FIBCD1: variants seen among roughly 807,000 people sequenced by gnomAD.
The protein encoded by FIBCD1 is fibrinogen C domain-containing protein 1.
A neutral mutation model predicts 45.1 loss-of-function variants in FIBCD1; 47 were observed. The observed-to-expected ratio is 1.04, with a 90% CI of 0.82 to 1.33. The LOEUF (loss-of-function observed/expected upper bound fraction) is 1.33. FIBCD1 is among the 40% of genes most tolerant of loss of function. The pLI is 0.00. For synonymous variants in FIBCD1, 313 were observed against 308.1 expected, an observed-to-expected ratio of 1.02 and a Z score of -0.17; for missense variants, 653 against 682.2, an observed-to-expected ratio of 0.96 and a Z score of 0.48.
chr9:130,911,919 G>A, intron 4 of FIBCD1, 31 bp from the exon 5 acceptor site: 1 of 1,543,440 alleles, frequency 6.5e-7, no homozygotes, highest in Non-Finnish European at 8.8e-7. Context: ...TGGGGCGTTG[G>A]CACCGACCAT....
At chr9:130,931,085 T>C (rs143848760) in intron 1 of FIBCD1, among the ~76,000 whole-genome samples, 33 of 152,222 alleles carry the variant, frequency 2.2e-4, no homozygotes, top group African/African-American at 7.9e-4. Context: ...AGCAGGCCCC[T>C]GGCAGAGCAA....
In FIBCD1 at chr9:130,923,912, G is replaced by C. The variant is rs542941000; in HGVS notation, c.713-32C>G. 24 of 1,611,068 alleles carry C rather than the reference G, an allele frequency of 1.5e-5. No individual in the cohort carries two copies. The South Asian group carries it at 2.4e-4, about 16-fold the overall frequency. On this transcript the variant is annotated intron_variant, in intron 3 of 6. Coordinates refer to ENST00000372338, the MANE Select transcript of FIBCD1 (RefSeq NM_032843.5). Reference sequence around the variant, plus strand: ...GAGGCAAGGCTGTCAGGGTGGCTGCGGCCCCAGCACGTTCCTGCCCAGCCC... The same window carrying C: ...GAGGCAAGGCTGTCAGGGTGGCTGCCGCCCCAGCACGTTCCTGCCCAGCCC...
At chr9:130,917,464 G>A (rs1453091295) in intron 4 of FIBCD1, among the ~76,000 whole-genome samples, 1 of 148,150 alleles carries the variant, frequency 6.7e-6, no homozygotes, top group East Asian at 2.0e-4. Context: ...AGGAAGGAGT[G>A]ACAGCTCTGG....
Position 130,905,328 on chromosome 9 carries a change from A to C in FIBCD1, c.1032T>G (p.Tyr344Ter). The change falls in exon 6 of 7, where the codon TAT (tyrosine) becomes TAG (stop). Residue 344 changes from tyrosine to a stop codon, truncating the protein, a stop_gained. Coordinates refer to ENST00000372338, the MANE Select transcript of FIBCD1 (RefSeq NM_032843.5). LOFTEE classifies it high-confidence loss of function. ...DLEDFENGTAYARYGSFGVGL... is the reference protein window; with the variant it reads ...DLEDFENGTA ...CCACGCCGAAGCTCCCGTAGCGGGC[A>C]TAGGCCGTGCCATTCTCAAAGTCCT... 6.2e-7 allele frequency: 1 copy of C among 1,614,064 alleles called. No homozygotes were observed. The highest frequency in any genetic ancestry group is 8.5e-7 in the Non-Finnish European group (1 of 1,180,016).
Position 130,924,269 on chromosome 9 carries a change from G to A in FIBCD1, c.680C>T (p.Ala227Val). The part of the protein sequence containing the change: ...RNKADLQRAP[A>V]RGTRPRGCAT... Reference sequence around the variant, plus strand: ...ACAGCCCCGGGGCCGGGTTCCCCGGGCAGGCGCTCTCTGAAGGTCGGCCTT... The same window carrying A: ...ACAGCCCCGGGGCCGGGTTCCCCGGACAGGCGCTCTCTGAAGGTCGGCCTT... The change falls in exon 3 of 7, where the codon GCC (alanine) becomes GTC (valine). Residue 227 changes from alanine (A) to valine (V), a missense_variant. Physicochemically the swap from Ala to Val is moderately conservative, Grantham distance 64. Coordinates refer to ENST00000372338, the MANE Select transcript of FIBCD1 (RefSeq NM_032843.5). 6.2e-7 allele frequency: 1 copy of A among 1,600,832 alleles called. No homozygotes were observed. Among genetic ancestry groups the A allele is most frequent in the Non-Finnish European group, 8.5e-7 (1 of 1,175,360 alleles).
intron 4 of FIBCD1, among the ~76,000 whole-genome samples, chr9:130,923,181 C>T (rs913720): frequency 6.6e-6 from 1 of 152,102 alleles, no homozygotes. Context: ...CCAGCACCTT[C>T]TGTGGTCCCG....
Position 130,923,861 on chromosome 9 carries a change from A to G in FIBCD1, c.732T>C (p.Cys244=), listed in dbSNP as rs773656142. The stretch of plus-strand genomic sequence containing the variant: ...GCTGTCCGCTTAGGAGGACGTCCAG[A>G]CAGTCTCGGGGCCGGGAGCCTGAGG... ...GCATGSRPRD[C]LDVLLSGQQD... is the part of the protein sequence containing the mutation. The change falls in exon 4 of 7, where the codon TGT becomes TGC. Residue 244 remains cysteine, a synonymous_variant. Transcript: ENST00000372338. The G allele has an allele frequency of 3.7e-6, 6 of 1,612,418 alleles. No individual in the cohort carries two copies. Among genetic ancestry groups the G allele is most frequent in the African/African-American group, 1.3e-5 (1 of 74,856 alleles).
At chr9:130,904,458 CAT>C in intron 6 of FIBCD1, 135 bp from the exon 7 acceptor site, 1 of 1,312,538 alleles carries the variant, frequency 7.6e-7, no homozygotes, top group South Asian at 1.4e-5. Flanking sequence ...TGCTCTCACA[CAT>C]ACTGCTGTGC....
intron 4 of FIBCD1, among the ~76,000 whole-genome samples, chr9:130,916,063 G>A (rs1201079185): frequency 6.6e-6 from 1 of 152,178 alleles, no homozygotes; most frequent in Admixed American, 6.5e-5. Flanking sequence ...TGAGTAGCTG[G>A]GATTACAGGC....
At chr9:130,913,888 T>C (rs1471780510) in intron 4 of FIBCD1, among the ~76,000 whole-genome samples, 2 of 152,062 alleles carry the variant, frequency 1.3e-5, no homozygotes, top group Non-Finnish European at 2.9e-5. Flanking sequence ...CCCTGGGGAC[T>C]GGGGACCTGG....
At chr9:130,919,415 C>T (rs919185056) in intron 4 of FIBCD1, among the ~76,000 whole-genome samples, 10 of 152,198 alleles carry the variant, frequency 6.6e-5, no homozygotes, top group African/African-American at 2.4e-4. Context: ...GGGCCGGCCG[C>T]AGCTGCAGCC....
intron 1 of FIBCD1, among the ~76,000 whole-genome samples, chr9:130,933,064 G>A (rs1832464917): frequency 6.6e-6 from 1 of 152,234 alleles, no homozygotes; most frequent in Non-Finnish European, 1.5e-5. Context: ...CCTCCCTGGT[G>A]GGAAGGCAGA....
In FIBCD1 at chr9:130,903,823, C is replaced by T. The variant is rs1286865896; in HGVS notation, c.*241G>A. On this transcript the variant is annotated 3_prime_UTR_variant, in exon 7 of 7. Coordinates refer to ENST00000372338, the MANE Select transcript of FIBCD1 (RefSeq NM_032843.5). ...CAGGAGTTGGGGTCGTCAAGTTTGCCAGCCCCCATCAGCAGAGGCAAGAGA... is the reference window on the plus strand; with the variant it reads ...CAGGAGTTGGGGTCGTCAAGTTTGCTAGCCCCCATCAGCAGAGGCAAGAGA... 2 of 608,152 alleles carry T rather than the reference C, an allele frequency of 3.3e-6. No homozygotes were observed. Among genetic ancestry groups the T allele is most frequent in the East Asian group, 2.9e-5 (1 of 34,936 alleles). The allele number at this position is 608,152 out of a possible 1,614,324, so 37.7% of individuals were successfully genotyped here. A position where few individuals can be genotyped will look rare whatever the true frequency, so the allele number is the denominator to read the frequency against.
intron 4 of FIBCD1, among the ~76,000 whole-genome samples, chr9:130,921,554 C>T (rs1344857776): frequency 2.0e-5 from 3 of 152,244 alleles, no homozygotes; most frequent in Non-Finnish European, 2.9e-5. Context: ...CCCCTCTAAT[C>T]GCCCCTGAAG....
intron 4 of FIBCD1, among the ~76,000 whole-genome samples, chr9:130,919,895 A>G (rs10114587): frequency 0.12 from 18,344 of 151,142 alleles, 2,128 homozygotes; most frequent in African/African-American, 0.31. Flanking sequence ...TGCAATGTTG[A>G]GGGCTTGGCA....
rs767460118 is a variant in FIBCD1, at chr9:130,905,520, G to C, written c.947-107C>G. The C allele has an allele frequency of 7.5e-6, 9 of 1,193,570 alleles. No individual in the cohort carries two copies. The Admixed American group carries it at 1.0e-4, about 14-fold the overall frequency. The allele number at this position is 1,193,570 out of a possible 1,614,324, so 73.9% of individuals were successfully genotyped here. Reference sequence around the variant, plus strand: ...AGCTCATGCAGTTGGGGACAGAAAGGGACAACCACCAAGTGCGTGCAATCA... The same window carrying C: ...AGCTCATGCAGTTGGGGACAGAAAGCGACAACCACCAAGTGCGTGCAATCA... On this transcript the variant is annotated intron_variant, in intron 5 of 6. Coordinates refer to ENST00000372338, the MANE Select transcript of FIBCD1 (RefSeq NM_032843.5).
chr9:130,916,564 GTCTGAC>G (rs1484090985), intron 4 of FIBCD1, among the ~76,000 whole-genome samples: 1 of 152,258 alleles, frequency 6.6e-6, no homozygotes, highest in Admixed American at 6.5e-5. Flanking sequence ...GGAATGTTTA[GTCTGAC>G]TCTGAGCCCA....
intron 4 of FIBCD1, among the ~76,000 whole-genome samples, chr9:130,919,802 G>A (rs2091479): frequency 0.45 from 68,084 of 152,116 alleles, 18,578 homozygotes; most frequent in African/African-American, 0.76. Flanking sequence ...AGGTAGGTAT[G>A]GGGTCCTATC....
At chr9:130,932,378 A>G (rs2133122405) in intron 1 of FIBCD1, among the ~76,000 whole-genome samples, 2 of 151,922 alleles carry the variant, frequency 1.3e-5, no homozygotes, top group Middle Eastern at 6.8e-3. Context: ...GCCTGTCCCT[A>G]TTGTCATGCG....
Sources: allele counts gnomAD v4.1 joint callset (sites outside exome capture counted in the v4.1 genomes callset), GRCh38; gene constraint gnomAD v4.1.1; transcripts MANE v1.5; gene names NCBI Gene and HGNC (gene_info 2026-07-23, HGNC 2026-07-21).